VSTM2B: variants seen among roughly 807,000 people sequenced by gnomAD.
The protein encoded by VSTM2B is V-set and transmembrane domain-containing protein 2B.
Under a neutral mutation model 24.0 loss-of-function variants are expected in VSTM2B, and 24 were observed. That is an observed-to-expected ratio of 1.00 (90% CI 0.72 to 1.40). VSTM2B has a LOEUF of 1.40. Ranked by LOEUF, VSTM2B falls within the 40% of genes most tolerant of loss-of-function variation. The probability of loss-of-function intolerance (pLI) is 0.00; values close to 1 mark genes in which losing one functional copy is unlikely to be tolerated. For missense variants in VSTM2B, 399 were observed against 416.4 expected (o/e 0.96, Z 0.36); for synonymous variants, 226 against 194.4 (o/e 1.16, Z -1.35).
chr19:29,526,571 C>A lies in VSTM2B; in HGVS notation c.-13C>A, dbSNP rs755260642. The A allele has an allele frequency of 5.3e-6, 8 of 1,502,390 alleles. No homozygotes were observed. The Admixed American group carries it at 8.3e-5, about 16-fold the overall frequency. The allele number at this position is 1,502,390 out of a possible 1,614,324, so 93.1% of individuals were successfully genotyped here. ...CTCCCGGGCCCCCGCCGCCACCGCG[C>A]CCCCCGCGGGAGATGGAACAGCGGA... On this transcript the variant is annotated 5_prime_UTR_variant, in exon 1 of 5. Coordinates refer to ENST00000335523, the MANE Select transcript of VSTM2B (RefSeq NM_001146339.2). The surrounding 1 kb of genome is among the most constrained non-coding windows in gnomAD (Gnocchi z 4.1).
At chr19:29,530,412 T>G in intron 4 of VSTM2B, 122 bp downstream of exon 4, 1 of 839,636 alleles carries the variant, frequency 1.2e-6, no homozygotes, top group Non-Finnish European at 1.7e-6. Context: ...ATATGCATAC[T>G]CCTTCCTAGT....
At chr19:29,547,680 A>C (rs1251967296) in intron 4 of VSTM2B, among the ~76,000 whole-genome samples, 1 of 152,140 alleles carries the variant, frequency 6.6e-6, no homozygotes. Context: ...AGCAGAAGAG[A>C]AGAAGGCAGA....
chr19:29,530,077 G>A lies in VSTM2B; in HGVS notation c.556G>A (p.Gly186Ser). 1 of 1,501,990 alleles carries A rather than the reference G, an allele frequency of 6.7e-7. No individual in the cohort carries two copies. The highest frequency in any genetic ancestry group is 1.3e-5 in the South Asian group (1 of 79,570). 93.0% of individuals were successfully genotyped at this position (1,501,990 alleles called of 1,614,324 possible). A position where few individuals can be genotyped will look rare whatever the true frequency, so the allele number is the denominator to read the frequency against. Residue 186 changes from glycine (G) to serine (S), a missense_variant, in exon 4 of 5, where the codon GGC becomes AGC. Gly to Ser is a moderately conservative substitution (Grantham distance 56, BLOSUM62 0). Coordinates refer to ENST00000335523, the MANE Select transcript of VSTM2B (RefSeq NM_001146339.2). The stretch of plus-strand genomic sequence containing the variant: ...CAGCGCCGCCAACGCCAACAACGCG[G>A]GCGCCGCGAGCCGTACCACCTCCGA... Reference protein sequence around the residue: ...PASAANANNAGAASRTTSEPG... With the variant: ...PASAANANNASAASRTTSEPG...
chr19:29,550,742 G>A (rs1179716249), intron 4 of VSTM2B, among the ~76,000 whole-genome samples: 1 of 152,034 alleles, frequency 6.6e-6, no homozygotes, highest in African/African-American at 2.4e-5. Flanking sequence ...TAGCCAGGCT[G>A]CAAGAGCCAG....
At chr19:29,530,447 G>A (rs1312670215) in intron 4 of VSTM2B, among the ~76,000 whole-genome samples, 157 bp downstream of exon 4, 1 of 152,234 alleles carries the variant, frequency 6.6e-6, no homozygotes, top group African/African-American at 2.4e-5. Context: ...CCCCCCCAGG[G>A]CCTTCTTCCC....
intron 3 of VSTM2B, 82 bp from the exon 4 acceptor site, chr19:29,529,737 T>A (rs901314473): frequency 8.8e-6 from 12 of 1,361,840 alleles, no homozygotes; most frequent in Admixed American, 2.2e-5. Flanking sequence ...GGTGCGCGGA[T>A]GAGGGGGCGC....
Position 29,528,565 on chromosome 19 carries a change from C to A in VSTM2B, c.297+103C>A, listed in dbSNP as rs1453086891. ...GCCGCGGCGGCCGCGCATGTGGGGCCGCGCAAGTAGGGCAGCGATCGCAGC... is the reference window on the plus strand; with the variant it reads ...GCCGCGGCGGCCGCGCATGTGGGGCAGCGCAAGTAGGGCAGCGATCGCAGC... On this transcript the variant is annotated intron_variant, in intron 3 of 4. Transcript: ENST00000335523. 2.1e-6 allele frequency: 3 copies of A among 1,405,740 alleles called. No individual in the cohort carries two copies. In the Admixed American group the frequency reaches 6.1e-5, roughly 28 times the overall value. The allele number at this position is 1,405,740 out of a possible 1,614,324, so 87.1% of individuals were successfully genotyped here.
At position 29,544,525 on chromosome 19, in the gene VSTM2B, C is replaced by CAAAA. The variant is rs58540469; in HGVS notation, c.769+14263_769+14266dup. Among the ~76,000 whole-genome samples, 76 of 54,362 alleles carry CAAAA rather than the reference C, an allele frequency of 1.4e-3. 4 individuals are homozygous for CAAAA. The highest frequency in any genetic ancestry group is 3.0e-3 in the East Asian group (4 of 1,350). 35.7% of individuals were successfully genotyped at this position (54,362 alleles called of 152,430 possible). ...TGGGCGAAAGAGCGAGACTCTGTCT[C>CAAAA]AAAAAAAAAAAAAAAAAAAAAAAAA... On this transcript the variant is annotated intron_variant, in intron 4 of 4. Transcript: ENST00000335523.
At chr19:29,545,819 A>G (rs2145492277) in intron 4 of VSTM2B, among the ~76,000 whole-genome samples, 1 of 152,308 alleles carries the variant, frequency 6.6e-6, no homozygotes, top group African/African-American at 2.4e-5. Context: ...TCTTTTTGGT[A>G]GAACCAACCT....
chr19:29,540,941 G>A (rs1970005805), intron 4 of VSTM2B, among the ~76,000 whole-genome samples: 1 of 152,168 alleles, frequency 6.6e-6, no homozygotes, highest in Admixed American at 6.5e-5. Context: ...CAGGAAGACA[G>A]TTAAGAGTTG....
chr19:29,533,392 C>T (rs1969806839), intron 4 of VSTM2B, among the ~76,000 whole-genome samples: 1 of 152,314 alleles, frequency 6.6e-6, no homozygotes, highest in East Asian at 1.9e-4. Context: ...CCCCCTAACC[C>T]TTGCCAGCTC....
At chr19:29,531,829 C>T (rs1238741425) in intron 4 of VSTM2B, among the ~76,000 whole-genome samples, 4 of 152,220 alleles carry the variant, frequency 2.6e-5, no homozygotes, top group Admixed American at 6.5e-5. Context: ...TAATATTCCT[C>T]GTTCATATCA....
chr19:29,558,215 T>C (rs1321008663), intron 4 of VSTM2B, among the ~76,000 whole-genome samples: 1 of 152,122 alleles, frequency 6.6e-6, no homozygotes, highest in Non-Finnish European at 1.5e-5. Flanking sequence ...AAACAATAGA[T>C]GCTGGAAAGG....
intron 4 of VSTM2B, among the ~76,000 whole-genome samples, chr19:29,544,833 T>C (rs1970113486): frequency 6.6e-6 from 1 of 152,160 alleles, no homozygotes; most frequent in Non-Finnish European, 1.5e-5. Flanking sequence ...GCATTATGGA[T>C]GGTTAGACCA....
chr19:29,538,208 A>G (rs886491981), intron 4 of VSTM2B, among the ~76,000 whole-genome samples: 15 of 152,146 alleles, frequency 9.9e-5, no homozygotes, highest in African/African-American at 3.6e-4. Context: ...ACATCCAACC[A>G]TTTGATTGGA....
chr19:29,527,232 A>G lies in VSTM2B; in HGVS notation c.104A>G (p.Lys35Arg), dbSNP rs1969602137. 2.6e-6 allele frequency: 4 copies of G among 1,549,434 alleles called. No individual in the cohort carries two copies. The highest frequency in any genetic ancestry group is 4.9e-5 in the East Asian group (2 of 40,786). ...VADAAFTEVP[K>R]DVTVREGDDI... ...CCAGCTGCATTCACAGAAGTCCCCA[A>G]AGATGTGACAGTACGGGAGGGAGAC... The change falls in exon 2 of 5, where the codon AAA (lysine) becomes AGA (arginine). Residue 35 changes from lysine to arginine, a missense_variant. Physicochemically the swap from Lys to Arg is conservative, Grantham distance 26 (BLOSUM62 2). Transcript: ENST00000335523.
chr19:29,561,665 A>C (rs1489292715), intron 4 of VSTM2B, among the ~76,000 whole-genome samples: 1 of 152,156 alleles, frequency 6.6e-6, no homozygotes, highest in Non-Finnish European at 1.5e-5. Flanking sequence ...GAGATCTGTG[A>C]GGCCCATGGG....
intron 4 of VSTM2B, among the ~76,000 whole-genome samples, chr19:29,540,014 G>C (rs1248218493): frequency 6.6e-6 from 1 of 152,272 alleles, no homozygotes; most frequent in South Asian, 2.1e-4. Context: ...AGGGAGGAAG[G>C]CATGGTTTTC....
intron 4 of VSTM2B, among the ~76,000 whole-genome samples, chr19:29,555,405 A>G (rs1188115400): frequency 1.3e-5 from 2 of 152,224 alleles, no homozygotes; most frequent in Non-Finnish European, 2.9e-5. Flanking sequence ...CAACTGAAGC[A>G]GTGTTAAGAG....
Sources: allele counts gnomAD v4.1 joint callset (sites outside exome capture counted in the v4.1 genomes callset), GRCh38; gene constraint gnomAD v4.1.1; non-coding constraint Gnocchi (gnomAD v3.1); transcripts MANE v1.5; gene names NCBI Gene and HGNC (gene_info 2026-07-23, HGNC 2026-07-21).